BBX: variants seen among roughly 807,000 people sequenced by gnomAD.
BBX encodes the protein BBX high mobility group box domain containing.
BBX carries 30 observed loss-of-function variants against 100.2 expected under a neutral mutation model. The ratio of observed to expected loss-of-function variants is 0.30; its 90% confidence interval spans 0.22 to 0.41. The LOEUF is 0.41. BBX is among the 10% of genes least tolerant of loss of function. The pLI is 1.00. For missense variants in BBX, 1,023 were observed against 1,129.8 expected (o/e 0.91, Z 1.35); for synonymous variants, 376 against 388.1 (o/e 0.97, Z 0.37).
intron 3 of BBX, chr3:107,674,730 T>A (rs1050305532): frequency 6.6e-6 from 1 of 152,632 alleles, no homozygotes; most frequent in African/African-American, 2.4e-5. Context: ...TCAAAAGCAA[T>A]TCACATGTGA....
Position 107,805,621 on chromosome 3 carries a change from C to T in BBX, c.*164C>T, listed in dbSNP as rs1263464515. 7 of 1,353,638 alleles carry T rather than the reference C, an allele frequency of 5.2e-6. No homozygotes were observed. In the African/African-American group the frequency reaches 1.0e-4, roughly 20 times the overall value. The allele number at this position is 1,353,638 out of a possible 1,614,324, so 83.9% of individuals were successfully genotyped here. ...TGAAGCAGAAGTTAGCATCCTGGGC[C>T]AGTTTGTTCTCTCAGAACCCAGAAT... On this transcript the variant is annotated 3_prime_UTR_variant, in exon 18 of 18. Transcript: ENST00000325805.
At chr3:107,666,353 G>A (rs78537154) in intron 3 of BBX, among the ~76,000 whole-genome samples, 207 of 152,254 alleles carry the variant, frequency 1.4e-3, no homozygotes, top group Middle Eastern at 3.4e-3. Flanking sequence ...GACACATTAC[G>A]CTCCTCATGA....
intron 2 of BBX, among the ~76,000 whole-genome samples, chr3:107,537,407 C>T (rs1224494743): frequency 6.6e-6 from 1 of 152,158 alleles, no homozygotes; most frequent in Non-Finnish European, 1.5e-5. Context: ...CTACAAACCA[C>T]TGTAGCTGAT....
chr3:107,753,050 A>C (rs2065197491), intron 9 of BBX, among the ~76,000 whole-genome samples: 1 of 152,166 alleles, frequency 6.6e-6, no homozygotes, highest in African/African-American at 2.4e-5. Context: ...CTAAGACAAA[A>C]CACTGAGGAA....
chr3:107,800,870 T>C (rs991614506), intron 16 of BBX, among the ~76,000 whole-genome samples: 1 of 152,238 alleles, frequency 6.6e-6, no homozygotes, highest in Non-Finnish European at 1.5e-5. Flanking sequence ...TCTCTTCAGC[T>C]CAGCCTCAGG....
intron 3 of BBX, among the ~76,000 whole-genome samples, chr3:107,686,626 TG>T (rs2059864514): frequency 6.6e-6 from 1 of 152,280 alleles, no homozygotes; most frequent in Admixed American, 6.5e-5. Flanking sequence ...TAGGGGCACT[TG>T]AACTCCCCAT....
chr3:107,537,266 A>G (rs2048561311), intron 2 of BBX, among the ~76,000 whole-genome samples: 1 of 152,214 alleles, frequency 6.6e-6, no homozygotes, highest in Non-Finnish European at 1.5e-5. Context: ...ATTGAACCAA[A>G]GAGAATTGTT....
At chr3:107,660,789 A>G (rs2058406416) in intron 3 of BBX, among the ~76,000 whole-genome samples, 1 of 152,206 alleles carries the variant, frequency 6.6e-6, no homozygotes, top group Admixed American at 6.5e-5. Context: ...GAAGAGTTTA[A>G]GTGCCCCTCA....
intron 5 of BBX, among the ~76,000 whole-genome samples, chr3:107,719,452 A>G (rs1213874317): frequency 6.6e-6 from 1 of 152,006 alleles, no homozygotes; most frequent in Middle Eastern, 3.2e-3. Context: ...TTACCTGTTC[A>G]TGAAAATTTC....
chr3:107,693,630 T>C (rs906779815), intron 3 of BBX, among the ~76,000 whole-genome samples: 4 of 151,658 alleles, frequency 2.6e-5, no homozygotes, highest in Non-Finnish European at 4.4e-5. Context: ...AGTCAGGTAG[T>C]GTGATGCCTC....
At chr3:107,722,196 A>G (rs2062591212) in intron 5 of BBX, among the ~76,000 whole-genome samples, 1 of 151,990 alleles carries the variant, frequency 6.6e-6, no homozygotes, top group Admixed American at 6.6e-5. Flanking sequence ...AAACACTTGT[A>G]TTTAAATATT....
intron 5 of BBX, among the ~76,000 whole-genome samples, chr3:107,722,584 C>G (rs1374605858): frequency 6.6e-6 from 1 of 151,952 alleles, no homozygotes; most frequent in Non-Finnish European, 1.5e-5. Flanking sequence ...CACAACACAA[C>G]AAGCAAATAA....
chr3:107,681,518 A>G (rs2107996137), intron 3 of BBX, among the ~76,000 whole-genome samples: 2 of 152,192 alleles, frequency 1.3e-5, no homozygotes, highest in South Asian at 4.1e-4. Context: ...GTCAAAGGGC[A>G]GGGAAGAGCC....
chr3:107,734,886 G>A (rs1055508536), intron 7 of BBX, among the ~76,000 whole-genome samples: 1 of 152,114 alleles, frequency 6.6e-6, no homozygotes, highest in Admixed American at 6.6e-5. Context: ...CTCTGAAGTG[G>A]AAATGTTTTG....
At chr3:107,623,619 G>T (rs1322776028) in intron 2 of BBX, among the ~76,000 whole-genome samples, 2 of 152,130 alleles carry the variant, frequency 1.3e-5, no homozygotes, top group Non-Finnish European at 2.9e-5. Context: ...GTTTCATGGG[G>T]TCTGAAGGTT....
intron 12 of BBX, chr3:107,776,488 C>A (rs1156892290): frequency 2.0e-5 from 3 of 152,060 alleles, no homozygotes; most frequent in African/African-American, 7.2e-5. Context: ...TAAATATTGG[C>A]CTGTCAGGAT....
chr3:107,661,866 G>T (rs1411971867), intron 3 of BBX: 3 of 985,180 alleles, frequency 3.0e-6, no homozygotes, highest in Non-Finnish European at 3.6e-6. Flanking sequence ...GCAGTACCTG[G>T]TATCATCTCC....
intron 2 of BBX, among the ~76,000 whole-genome samples, chr3:107,533,306 T>C (rs2048287348): frequency 6.6e-6 from 1 of 152,214 alleles, no homozygotes; most frequent in Non-Finnish European, 1.5e-5. Context: ...TTCTCTGATA[T>C]GCCTAACCAC....
intron 5 of BBX, among the ~76,000 whole-genome samples, chr3:107,725,340 C>T (rs1342205993): frequency 6.6e-6 from 1 of 152,142 alleles, no homozygotes; most frequent in Non-Finnish European, 1.5e-5. Flanking sequence ...GATATACAAT[C>T]ATGTCATCTG....
Sources: gnomAD v4.1 joint callset for allele counts (sites outside exome capture counted in the v4.1 genomes callset) on GRCh38, gnomAD v4.1.1 for gene constraint, MANE v1.5 for transcripts, NCBI Gene and HGNC (gene_info 2026-07-23, HGNC 2026-07-21) for gene names.